Variants in WDR59 observed in about 807,000 individuals in gnomAD.
WDR59 encodes GATOR2 complex protein WDR59.
In WDR59, 100 loss-of-function variants were observed where a neutral mutation model predicts 131.2. That is an observed-to-expected ratio of 0.76 (90% CI 0.65 to 0.90). The LOEUF is 0.90. WDR59 is among the 40% of genes least tolerant of loss of function. WDR59 has a pLI of 0.00. For missense variants in WDR59, 1,203 were observed against 1,262.2 expected, an observed-to-expected ratio of 0.95 and a Z score of 0.71; for synonymous variants, 601 against 466.2, an observed-to-expected ratio of 1.29 and a Z score of -3.72.
At chr16:74,972,356 T>A (rs1408708865) in intron 1 of WDR59, among the ~76,000 whole-genome samples, 1 of 152,104 alleles carries the variant, frequency 6.6e-6, no homozygotes, top group African/African-American at 2.4e-5. Context: ...GTTTAAAAAA[T>A]TTCTTGGTGA....
intron 3 of WDR59, among the ~76,000 whole-genome samples, chr16:74,954,222 A>G (rs1341308583): frequency 1.3e-5 from 2 of 152,070 alleles, no homozygotes; most frequent in African/African-American, 2.4e-5. Flanking sequence ...CAGCTGGACC[A>G]ACACGGAGAA....
intron 8 of WDR59, among the ~76,000 whole-genome samples, chr16:74,927,730 T>C (rs554462877): frequency 5.3e-5 from 8 of 150,224 alleles, no homozygotes; most frequent in African/African-American, 2.0e-4. Context: ...AACTCAGCTT[T>C]CTCATTTTCA....
chr16:74,963,160 G>A (rs2033627738), intron 2 of WDR59: 1 of 152,126 alleles, frequency 6.6e-6, no homozygotes, highest in South Asian at 2.1e-4. Context: ...GGAGGTTGAG[G>A]CAGAATTGCT....
rs1964950493 is a variant in WDR59 at position 74,889,779 on chromosome 16, G to C, written c.2119C>G (p.Leu707Val). Residue 707 changes from leucine to valine, a missense_variant, in exon 21 of 26, where the codon CTT (leucine) becomes GTT (valine). By Grantham distance (32) the Leu-to-Val change is conservative. Transcript: ENST00000262144. ...AAATCTGGGTCAGATTTCGGACCAA[G>C]GCAAAGATCTGTAGCTACCGTAGCC... is the stretch of plus-strand genomic sequence containing the variant. ...SLATVATDLCLGPKSDPDLET... is the reference protein window; with the variant it reads ...SLATVATDLCVGPKSDPDLET... 1.2e-6 allele frequency: 2 copies of C among 1,614,004 alleles called. No homozygotes were observed. The highest frequency in any genetic ancestry group is 1.7e-6 in the Non-Finnish European group (2 of 1,180,030).
Position 74,965,895 on chromosome 16 carries a change from T to A in WDR59, c.55-73A>T, listed in dbSNP as rs1419212774. The A allele has an allele frequency of 2.0e-6, 3 of 1,532,122 alleles. No individual in the cohort carries two copies. In the East Asian group the frequency reaches 6.8e-5, roughly 35 times the overall value. 94.9% of individuals were successfully genotyped at this position (1,532,122 alleles called of 1,614,324 possible). A position where few individuals can be genotyped will look rare whatever the true frequency, so the allele number is the denominator to read the frequency against. On this transcript the variant is annotated intron_variant, in intron 1 of 25. Coordinates refer to ENST00000262144, the MANE Select transcript of WDR59 (RefSeq NM_030581.4). ...GATAGAAGGCAGAGGTCTCTGTGGC[T>A]CTTCCTCTTCCTGTCTCCCAAGAAG...
At chr16:74,890,810 C>T (rs1012944312) in intron 20 of WDR59, among the ~76,000 whole-genome samples, 1 of 152,128 alleles carries the variant, frequency 6.6e-6, no homozygotes, top group Non-Finnish European at 1.5e-5. Context: ...TTCCCACCCC[C>T]TCAATACCTT....
intron 2 of WDR59, among the ~76,000 whole-genome samples, chr16:74,961,979 A>G (rs1467458275): frequency 1.3e-5 from 2 of 152,096 alleles, no homozygotes; most frequent in Non-Finnish European, 2.9e-5. Flanking sequence ...AGGTTTAAGG[A>G]AGGGGTCCAG....
intron 7 of WDR59, among the ~76,000 whole-genome samples, chr16:74,941,850 C>T (rs1181222858): frequency 6.6e-6 from 1 of 152,184 alleles, no homozygotes; most frequent in Non-Finnish European, 1.5e-5. Flanking sequence ...CTGATCTCTG[C>T]TCCACTTCTC....
Position 74,953,205 on chromosome 16 carries a change from C to T in WDR59, c.241-1662G>A, listed in dbSNP as rs569139556. Among the ~76,000 whole-genome samples, 16 of 152,288 alleles carry T rather than the reference C, an allele frequency of 1.1e-4. No individual in the cohort carries two copies. The East Asian group carries it at 2.9e-3, about 28-fold the overall frequency. ...GTTGCCTTCCAGCCAGGGGCAGTGG[C>T]TCATGCCTGTAATCCCAGCACTTTG... On this transcript the variant is annotated intron_variant, in intron 3 of 25. Coordinates refer to ENST00000262144, the MANE Select transcript of WDR59 (RefSeq NM_030581.4).
chr16:74,926,302 C>A (rs2030809297), intron 8 of WDR59, among the ~76,000 whole-genome samples: 1 of 152,112 alleles, frequency 6.6e-6, no homozygotes, highest in South Asian at 2.1e-4. Flanking sequence ...AGGTGATCTG[C>A]CCACCTCGGC....
rs138077552 is a variant in WDR59 at position 74,959,565 on chromosome 16, C to T, written c.105-2955G>A. The T allele has an allele frequency of 4.6e-4, 209 of 450,914 alleles. 3 individuals are homozygous for T. In the East Asian group the frequency reaches 0.014, roughly 30 times the overall value. The allele number at this position is 450,914 out of a possible 1,614,324, so 27.9% of individuals were successfully genotyped here. A position where few individuals can be genotyped will look rare whatever the true frequency, so the allele number is the denominator to read the frequency against. ...ATCGCTTGAGGCCCGGAGTTAAGAC[C>T]AGCCTGGGCAACCTGGCAAGACCTT... is the stretch of plus-strand genomic sequence containing the variant. On this transcript the variant is annotated intron_variant, in intron 2 of 25. Coordinates refer to ENST00000262144, the MANE Select transcript of WDR59 (RefSeq NM_030581.4).
At chr16:74,909,763 G>A (rs1487866475) in intron 15 of WDR59, 59 bp downstream of exon 15, 1 of 1,583,598 alleles carries the variant, frequency 6.3e-7, no homozygotes, top group African/African-American at 1.4e-5. Context: ...ATTTTAGGGA[G>A]AAAGAAATGA....
chr16:74,947,670 A>G (rs968172149), intron 6 of WDR59, among the ~76,000 whole-genome samples: 5 of 152,226 alleles, frequency 3.3e-5, no homozygotes, highest in Non-Finnish European at 5.9e-5. Context: ...TTAAAGAGTT[A>G]CTGTTAATAT....
At chr16:74,973,637 C>T (rs554741910) in intron 1 of WDR59, among the ~76,000 whole-genome samples, 5 of 152,322 alleles carry the variant, frequency 3.3e-5, no homozygotes, top group South Asian at 4.1e-4. Context: ...CGTTACCTAT[C>T]GGAGACTCTT....
At chr16:74,901,817 G>GTTT (rs1478610417) in intron 18 of WDR59, among the ~76,000 whole-genome samples, 1 of 152,150 alleles carries the variant, frequency 6.6e-6, no homozygotes, top group African/African-American at 2.4e-5. Flanking sequence ...TTGTAAGGGA[G>GTTT]GTAAAGCAGC....
At chr16:74,942,643 A>C in intron 7 of WDR59, 95 bp downstream of exon 7, 1 of 1,230,690 alleles carries the variant, frequency 8.1e-7, no homozygotes, top group Non-Finnish European at 1.2e-6. Flanking sequence ...AGGGTTCCCC[A>C]GACTCTCAAG....
At position 74,969,346 on chromosome 16, in the gene WDR59, C is replaced by A. The variant is rs1053025340; in HGVS notation, c.55-3524G>T. 2.0e-5 allele frequency among the ~76,000 whole-genome samples: 3 copies of A among 152,106 alleles called. No individual in the cohort carries two copies. In the South Asian group the frequency reaches 6.2e-4, roughly 32 times the overall value. On this transcript the variant is annotated intron_variant, in intron 1 of 25. Coordinates refer to ENST00000262144, the MANE Select transcript of WDR59 (RefSeq NM_030581.4). Reference sequence around the variant, plus strand: ...GGAGTGCAATGGCACGATCTTGGCTCACTGCAACCTCCACCTCCCAGGTTC... The same window carrying A: ...GGAGTGCAATGGCACGATCTTGGCTAACTGCAACCTCCACCTCCCAGGTTC...
intron 1 of WDR59, among the ~76,000 whole-genome samples, chr16:74,980,357 T>C (rs968323980): frequency 8.3e-6 from 1 of 120,878 alleles, no homozygotes; most frequent in Non-Finnish European, 1.8e-5. Context: ...AATCTAAGTC[T>C]TTTTTTTTTT....
chr16:74,888,093 G>A (rs978493284), intron 22 of WDR59, 76 bp downstream of exon 22: 13 of 1,473,800 alleles, frequency 8.8e-6, no homozygotes, highest in South Asian at 4.2e-5. Context: ...ACTCCAGCCT[G>A]GGCAACAAAG....
Sources: gnomAD v4.1 joint callset for allele counts (sites outside exome capture counted in the v4.1 genomes callset) on GRCh38, gnomAD v4.1.1 for gene constraint, MANE v1.5 for transcripts, NCBI Gene and HGNC (gene_info 2026-07-23, HGNC 2026-07-21) for gene names.